RARB: variants seen among roughly 807,000 people sequenced by gnomAD.
RARB encodes HBV-activated protein.
In RARB, 17 loss-of-function variants were observed where a neutral mutation model predicts 51.9. The observed-to-expected ratio is 0.33, with a 90% CI of 0.22 to 0.49. The LOEUF is 0.49. Among genes scored for constraint, RARB ranks in the 20% least tolerant of loss-of-function variants. RARB has a pLI of 0.99. For missense variants in RARB, 369 were observed against 550.8 expected, an observed-to-expected ratio of 0.67 and a Z score of 3.30; for synonymous variants, 215 against 195.4, an observed-to-expected ratio of 1.10 and a Z score of -0.84.
chr3:25,556,454 G>A (rs555096171), intron 3 of RARB, among the ~76,000 whole-genome samples: 30 of 152,072 alleles, frequency 2.0e-4, no homozygotes, highest in Admixed American at 9.8e-4. Flanking sequence ...AGGCCAAGTA[G>A]AAAAATTTTC....
At chr3:25,501,678 G>A (rs1047497799) in intron 3 of RARB, among the ~76,000 whole-genome samples, 3 of 152,098 alleles carry the variant, frequency 2.0e-5, no homozygotes, top group Non-Finnish European at 4.4e-5. Flanking sequence ...CGCCTGTATC[G>A]GTGAGGATAA....
intron 5 of RARB, among the ~76,000 whole-genome samples, chr3:25,372,069 A>G (rs967890788): frequency 6.6e-6 from 1 of 152,214 alleles, no homozygotes; most frequent in African/African-American, 2.4e-5. Flanking sequence ...AGGAGACCCA[A>G]GAAGCATGTG....
chr3:25,044,588 C>A (rs769022866), intron 2 of RARB, among the ~76,000 whole-genome samples: 1 of 152,122 alleles, frequency 6.6e-6, no homozygotes, highest in Non-Finnish European at 1.5e-5. Context: ...GGTACATGGC[C>A]GGCACATGCC....
At chr3:25,344,099 A>C (rs1337662552) in intron 5 of RARB, among the ~76,000 whole-genome samples, 5 of 152,208 alleles carry the variant, frequency 3.3e-5, no homozygotes, top group Non-Finnish European at 5.9e-5. Context: ...AACTTTCTTT[A>C]AATGACTTGT....
At chr3:25,321,383 T>A (rs1194626834) in intron 5 of RARB, among the ~76,000 whole-genome samples, 1 of 152,060 alleles carries the variant, frequency 6.6e-6, no homozygotes, top group African/African-American at 2.4e-5. Context: ...ATTTAAAATA[T>A]CTAGAGGAAA....
At chr3:24,937,868 T>C (rs1448302662) in intron 2 of RARB, among the ~76,000 whole-genome samples, 3 of 152,130 alleles carry the variant, frequency 2.0e-5, no homozygotes, top group African/African-American at 7.2e-5. Flanking sequence ...TTTGTTTCTT[T>C]TGAGAAATCC....
intron 2 of RARB, among the ~76,000 whole-genome samples, chr3:25,028,630 G>A (rs1333495575): frequency 6.6e-6 from 1 of 152,180 alleles, no homozygotes; most frequent in African/African-American, 2.4e-5. Flanking sequence ...TGTTTCTGTG[G>A]TTTCAAGTGT....
chr3:24,886,643 T>C (rs1335871357), intron 2 of RARB, among the ~76,000 whole-genome samples: 1 of 152,080 alleles, frequency 6.6e-6, no homozygotes, highest in Admixed American at 6.6e-5. Flanking sequence ...GGTCTCGTTA[T>C]GTTGCTCAGG....
chr3:25,584,866 C>T (rs961833379), intron 5 of RARB, among the ~76,000 whole-genome samples: 6 of 152,074 alleles, frequency 3.9e-5, no homozygotes, highest in African/African-American at 1.4e-4. Flanking sequence ...AGTGGAGGGT[C>T]CCTGCCCTGT....
intron 5 of RARB, among the ~76,000 whole-genome samples, chr3:25,408,844 G>A (rs1707484766): frequency 6.6e-6 from 1 of 152,128 alleles, no homozygotes; most frequent in Non-Finnish European, 1.5e-5. Context: ...GACCAGCCTG[G>A]CCATCATAGT....
chr3:25,215,585 A>G lies in RARB; in HGVS notation c.178+41010A>G, dbSNP rs1263326130. ...AGCAGGAGGAAGTTCTGCCTTGGGA[A>G]CCCGTGCCTGAGGAACTTCATGGGA... On this transcript the variant is annotated intron_variant, in intron 5 of 11. Coordinates refer to the RARB transcript ENST00000383772. 3.3e-5 allele frequency among the ~76,000 whole-genome samples: 5 copies of G among 151,964 alleles called. No homozygotes were observed. The East Asian group carries it at 9.7e-4, about 29-fold the overall frequency.
intron 5 of RARB, among the ~76,000 whole-genome samples, chr3:25,358,052 A>T (rs1008481761): frequency 2.0e-5 from 3 of 152,106 alleles, no homozygotes; most frequent in Non-Finnish European, 4.4e-5. Flanking sequence ...AAGAAAGTCA[A>T]TAGTAGCTTG....
At chr3:24,896,435 AT>A (rs1703480931) in intron 2 of RARB, among the ~76,000 whole-genome samples, 1 of 151,840 alleles carries the variant, frequency 6.6e-6, no homozygotes, top group Non-Finnish European at 1.5e-5. Context: ...AATTTTTTGT[AT>A]TTTTAGTAGA....
intron 5 of RARB, among the ~76,000 whole-genome samples, chr3:25,270,666 T>C (rs13082440): frequency 0.1 from 15,399 of 152,192 alleles, 996 homozygotes; most frequent in South Asian, 0.26. Context: ...ACCTGGGTAA[T>C]ATTATTTGTT....
chr3:25,329,420 C>T (rs887345498), intron 5 of RARB, among the ~76,000 whole-genome samples: 14 of 152,186 alleles, frequency 9.2e-5, no homozygotes, highest in African/African-American at 3.4e-4. Context: ...CTCCAGCAAA[C>T]TCCAACAGAC....
At chr3:25,043,893 T>A (rs1181630352) in intron 2 of RARB, among the ~76,000 whole-genome samples, 1 of 152,164 alleles carries the variant, frequency 6.6e-6, no homozygotes, top group South Asian at 2.1e-4. Flanking sequence ...CGTGGCTCAT[T>A]GAGGAAATGT....
At chr3:24,861,887 G>C (rs1036227473) in intron 2 of RARB, among the ~76,000 whole-genome samples, 1 of 152,186 alleles carries the variant, frequency 6.6e-6, no homozygotes, top group African/African-American at 2.4e-5. Context: ...GGGCTCCCTG[G>C]ATCACAGTTT....
chr3:25,551,738 G>A (rs575003037), intron 3 of RARB, among the ~76,000 whole-genome samples: 2 of 152,204 alleles, frequency 1.3e-5, no homozygotes, highest in South Asian at 4.2e-4. Context: ...AGAGGGCTAG[G>A]GACACTCCCA....
At chr3:25,138,002 GATCTCATTCAGGAA>G (rs2125335870) in intron 4 of RARB, among the ~76,000 whole-genome samples, 1 of 152,232 alleles carries the variant, frequency 6.6e-6, no homozygotes, top group South Asian at 2.1e-4. Context: ...TCAAATTTGA[GATCTCATTCAGGAA>G]AGGCATGGTC....
Sources: allele counts gnomAD v4.1 joint callset (sites outside exome capture counted in the v4.1 genomes callset), GRCh38; gene constraint gnomAD v4.1.1; transcripts MANE v1.5; gene names NCBI Gene and HGNC (gene_info 2026-07-23, HGNC 2026-07-21).